The following LDAH variants were observed in gnomAD, a reference collection of about 807,000 sequenced individuals.
The protein encoded by LDAH is lipid droplet-associated hydrolase.
In LDAH, 26 loss-of-function variants were observed where a neutral mutation model predicts 29.6. That is an observed-to-expected ratio of 0.88 (90% CI 0.64 to 1.22). The LOEUF is 1.22. Among genes scored for constraint, LDAH ranks in the 50% most tolerant of loss-of-function variants. The probability of loss-of-function intolerance (pLI) is 0.00; values close to 1 mark genes in which losing one functional copy is unlikely to be tolerated. For synonymous variants in LDAH, 117 were observed against 133.0 expected, an observed-to-expected ratio of 0.88 and a Z score of 0.83; for missense variants, 344 against 387.3, an observed-to-expected ratio of 0.89 and a Z score of 0.94.
chr2:20,706,920 A>C (rs1353039347), intron 5 of LDAH, among the ~76,000 whole-genome samples: 8 of 152,172 alleles, frequency 5.3e-5, no homozygotes, highest in Non-Finnish European at 1.0e-4. Context: ...AAGTGCATTA[A>C]TTGTTTTTTA....
intron 4 of LDAH, among the ~76,000 whole-genome samples, chr2:20,764,075 T>TA (rs950381098): frequency 6.6e-6 from 1 of 152,160 alleles, no homozygotes; most frequent in Non-Finnish European, 1.5e-5. Flanking sequence ...TTTCAGGATT[T>TA]AAAAAAATAC....
chr2:20,742,918 C>G (rs749902390), intron 4 of LDAH, among the ~76,000 whole-genome samples: 14 of 151,626 alleles, frequency 9.2e-5, no homozygotes, highest in Non-Finnish European at 1.2e-4. Context: ...CACCACCACG[C>G]CTGGCTAATT....
intron 5 of LDAH, among the ~76,000 whole-genome samples, chr2:20,710,606 G>GTGTGTGTATATATATATATATATA (rs1467950593): frequency 3.8e-5 from 5 of 131,874 alleles, no homozygotes; most frequent in African/African-American, 1.4e-4. Context: ...GTGTGTGTGT[G>GTGTGTGTATATATATATATATATA]TATATATATA....
intron 1 of LDAH, among the ~76,000 whole-genome samples, chr2:20,820,130 G>T (rs936842688): frequency 3.3e-5 from 5 of 151,998 alleles, no homozygotes; most frequent in Admixed American, 6.6e-5. Context: ...CAAACAAATG[G>T]AAGAACATTC....
intron 5 of LDAH, among the ~76,000 whole-genome samples, chr2:20,733,997 T>C (rs1015412936): frequency 2.6e-5 from 4 of 152,214 alleles, no homozygotes; most frequent in Non-Finnish European, 5.9e-5. Context: ...GAACATACTC[T>C]GTATGGTTTC....
chr2:20,719,220 A>G (rs1665464389), intron 5 of LDAH, among the ~76,000 whole-genome samples: 2 of 129,156 alleles, frequency 1.5e-5, no homozygotes, highest in Non-Finnish European at 3.3e-5. Flanking sequence ...AATAAAATGA[A>G]AAAGTTTTTT....
In LDAH at chr2:20,685,830, C is replaced by T. The variant is rs781661077; in HGVS notation, c.*1073G>A. 2 of 678,896 alleles carry T rather than the reference C, an allele frequency of 2.9e-6. No homozygotes were observed. Among genetic ancestry groups the T allele is most frequent in the African/African-American group, 1.9e-5 (1 of 53,726 alleles). 42.1% of individuals were successfully genotyped at this position (678,896 alleles called of 1,614,324 possible). A position where few individuals can be genotyped will look rare whatever the true frequency, so the allele number is the denominator to read the frequency against. On this transcript the variant is annotated 3_prime_UTR_variant, in exon 7 of 7. Transcript: ENST00000237822. ...GTCTAGAGAAGGTGAATTCACATAA[C>T]TTAATGGCTGGGTTTGGTTCATTAA...
intron 4 of LDAH, among the ~76,000 whole-genome samples, chr2:20,757,337 C>T (rs1270415675): frequency 6.6e-6 from 1 of 152,086 alleles, no homozygotes; most frequent in Non-Finnish European, 1.5e-5. Flanking sequence ...AAGGACTATA[C>T]CCTAGAAGTA....
At chr2:20,715,332 C>A (rs546579329) in intron 5 of LDAH, among the ~76,000 whole-genome samples, 68 of 152,142 alleles carry the variant, frequency 4.5e-4, no homozygotes, top group Non-Finnish European at 7.2e-4. Context: ...ATTCAACAGC[C>A]CTTCATGCTA....
At position 20,792,964 on chromosome 2, in the gene LDAH, C is replaced by G. The variant is rs553414391; in HGVS notation, c.155-2566G>C. On this transcript the variant is annotated intron_variant, in intron 2 of 6. Transcript: ENST00000237822. ...ATAAATAAATAAAACAAAGTTTTCT[C>G]CCTATCTCTGGGATTAAGTCTGAGT... 6.7e-4 allele frequency among the ~76,000 whole-genome samples: 102 copies of G among 152,184 alleles called. 1 individual carries two copies. Among genetic ancestry groups the G allele is most frequent in the Admixed American group, 6.5e-3 (99 of 15,282 alleles).
intron 5 of LDAH, among the ~76,000 whole-genome samples, chr2:20,736,891 C>G (rs1295878861): frequency 6.6e-6 from 1 of 152,154 alleles, no homozygotes; most frequent in Non-Finnish European, 1.5e-5. Context: ...TTACTCATTT[C>G]TCTGGGTATC....
At chr2:20,806,434 T>C (rs1211775891) in intron 1 of LDAH, among the ~76,000 whole-genome samples, 1 of 152,048 alleles carries the variant, frequency 6.6e-6, no homozygotes. Flanking sequence ...ACTTGGAAAA[T>C]ATATGGTGAC....
chr2:20,753,235 C>A (rs959400481), intron 4 of LDAH, among the ~76,000 whole-genome samples: 2 of 152,252 alleles, frequency 1.3e-5, no homozygotes, highest in African/African-American at 4.8e-5. Context: ...ATTTTCTTAT[C>A]TTTTTTAACA....
intron 6 of LDAH, among the ~76,000 whole-genome samples, chr2:20,700,674 T>C (rs1404180304): frequency 2.6e-5 from 4 of 152,224 alleles, no homozygotes; most frequent in Non-Finnish European, 5.9e-5. Context: ...GCAAGGTACA[T>C]ATGCAATTTT....
chr2:20,762,584 C>A (rs1572572527), intron 4 of LDAH, among the ~76,000 whole-genome samples: 1 of 152,234 alleles, frequency 6.6e-6, no homozygotes, highest in Non-Finnish European at 1.5e-5. Flanking sequence ...GCAAATACTA[C>A]CATACTCAAT....
chr2:20,683,093 T>C (rs1163175445), downstream of LDAH, among the ~76,000 whole-genome samples: 1 of 152,210 alleles, frequency 6.6e-6, no homozygotes, highest in East Asian at 1.9e-4. Flanking sequence ...CACCCAGAGC[T>C]TTCTTTGACC....
chr2:20,743,528 A>C (rs529990779), intron 4 of LDAH, among the ~76,000 whole-genome samples: 9 of 152,302 alleles, frequency 5.9e-5, no homozygotes, highest in African/African-American at 2.2e-4. Flanking sequence ...CATTTCACTT[A>C]TATGTAAGCA....
chr2:20,741,349 C>A (rs1667161744), intron 4 of LDAH, among the ~76,000 whole-genome samples: 1 of 152,156 alleles, frequency 6.6e-6, no homozygotes. Context: ...TATCCAAGGT[C>A]ATCTAGGTTT....
chr2:20,769,128 C>T (rs956016651), intron 4 of LDAH, among the ~76,000 whole-genome samples: 1 of 152,118 alleles, frequency 6.6e-6, no homozygotes, highest in African/African-American at 2.4e-5. Context: ...TGATGAAAAC[C>T]ATTTCTCTTC....
Sources: gnomAD v4.1 joint callset for allele counts (sites outside exome capture counted in the v4.1 genomes callset) on GRCh38, gnomAD v4.1.1 for gene constraint, MANE v1.5 for transcripts, NCBI Gene and HGNC (gene_info 2026-07-23, HGNC 2026-07-21) for gene names.